PALM2AKAP2: variants seen among roughly 807,000 people sequenced by gnomAD.
PALM2AKAP2 encodes the protein PALM2-AKAP2 fusion protein.
In PALM2AKAP2, 37 loss-of-function variants were observed where a neutral mutation model predicts 71.5. That is an observed-to-expected ratio of 0.52 (90% confidence interval 0.40 to 0.68). The LOEUF is 0.68. Ranked by LOEUF, PALM2AKAP2 falls within the 30% of genes least tolerant of loss-of-function variation. PALM2AKAP2 has a pLI of 0.00. For missense variants in PALM2AKAP2, 1,224 were observed against 1,191.8 expected, an observed-to-expected ratio of 1.03 and a Z score of -0.40; for synonymous variants, 468 against 478.8, an observed-to-expected ratio of 0.98 and a Z score of 0.29.
At chr9:109,968,763 C>T (rs62580185) in intron 6 of PALM2AKAP2, among the ~76,000 whole-genome samples, 18,045 of 152,092 alleles carry the variant, frequency 0.12, 1,399 homozygotes, top group African/African-American at 0.21. Context: ...TTCAGGGCAG[C>T]TACATTTCAC....
rs140508424 is a variant in PALM2AKAP2 at position 109,932,976 on chromosome 9, C to T, written c.496+948C>T. Among the ~76,000 whole-genome samples, 585 of 152,174 alleles carry T rather than the reference C, an allele frequency of 3.8e-3. 6 individuals are homozygous for T. The highest frequency in any genetic ancestry group is 0.029 in the East Asian group (149 of 5,186). ...TGAATATTTCATGAAGCAAAGAATC[C>T]CTACTTATTTTAATACAAAAGTAAA... On this transcript the variant is annotated intron_variant, in intron 6 of 9. Coordinates refer to the PALM2AKAP2 transcript ENST00000302798.
At chr9:110,069,674 C>G (rs12056989) in intron 1 of PALM2AKAP2, among the ~76,000 whole-genome samples, 17,562 of 152,100 alleles carry the variant, frequency 0.12, 1,067 homozygotes, top group Middle Eastern at 0.22. Context: ...GGGATGAGGA[C>G]TAGGAAGGAG....
intron 6 of PALM2AKAP2, among the ~76,000 whole-genome samples, chr9:109,965,149 C>T (rs940952732): frequency 3.3e-5 from 5 of 152,326 alleles, no homozygotes; most frequent in African/African-American, 1.2e-4. Context: ...GGAAAAGTCA[C>T]TTAACTTCTC....
intron 1 of PALM2AKAP2, among the ~76,000 whole-genome samples, chr9:109,690,904 A>G (rs1413642431): frequency 6.6e-6 from 1 of 152,178 alleles, no homozygotes. Context: ...TAACTTCAGC[A>G]TATGCACACT....
At chr9:109,716,864 A>G (rs1470323516) in intron 1 of PALM2AKAP2, among the ~76,000 whole-genome samples, 1 of 152,174 alleles carries the variant, frequency 6.6e-6, no homozygotes, top group Non-Finnish European at 1.5e-5. Context: ...TTATGTGGAT[A>G]TCCTAGCAAT....
chr9:110,078,063 TATGGTCTCTGTTA>T (rs1215028125), intron 1 of PALM2AKAP2, among the ~76,000 whole-genome samples: 2 of 151,678 alleles, frequency 1.3e-5, no homozygotes, highest in East Asian at 3.9e-4. Flanking sequence ...TTGCAGGCCA[TATGGTCTCTGTTA>T]TAACTACATT....
chr9:109,658,420 A>G (rs1013055018), intron 1 of PALM2AKAP2, among the ~76,000 whole-genome samples: 1 of 152,208 alleles, frequency 6.6e-6, no homozygotes, highest in African/African-American at 2.4e-5. Flanking sequence ...CAAAAATCTT[A>G]TAAAGATATA....
chr9:109,739,957 G>C (rs1480508113), intron 1 of PALM2AKAP2, among the ~76,000 whole-genome samples: 1 of 152,180 alleles, frequency 6.6e-6, no homozygotes, highest in Non-Finnish European at 1.5e-5. Flanking sequence ...GGCCACGTAG[G>C]CCTTTGAAAA....
At position 110,119,778 on chromosome 9, in the gene PALM2AKAP2, G is replaced by A. The variant is rs575346159; in HGVS notation, c.157-16349G>A. ...GTTTGGGTTGTTGACCTTTTTTATC[G>A]ATTGCAAGGGTCCTTTATATTTTAA... is the stretch of plus-strand genomic sequence containing the variant. On this transcript the variant is annotated intron_variant, in intron 1 of 3. Coordinates refer to ENST00000374525, the Ensembl canonical transcript of PALM2AKAP2. 9.2e-5 allele frequency among the ~76,000 whole-genome samples: 14 copies of A among 152,038 alleles called. No individual in the cohort carries two copies. The South Asian group carries it at 2.3e-3, about 25-fold the overall frequency.
intron 1 of PALM2AKAP2, among the ~76,000 whole-genome samples, chr9:109,723,308 G>A (rs978982802): frequency 9.2e-5 from 14 of 152,072 alleles, no homozygotes; most frequent in African/African-American, 3.1e-4. Context: ...CCATACCACC[G>A]CCCAGCACCG....
chr9:109,720,146 G>A (rs1015943281), intron 1 of PALM2AKAP2, among the ~76,000 whole-genome samples: 7 of 151,952 alleles, frequency 4.6e-5, no homozygotes, highest in Admixed American at 1.3e-4. Flanking sequence ...ATGCTACTGC[G>A]CCCAGCTAAT....
At chr9:109,896,451 A>C (rs1335150379) in intron 3 of PALM2AKAP2, among the ~76,000 whole-genome samples, 1 of 152,176 alleles carries the variant, frequency 6.6e-6, no homozygotes, top group Non-Finnish European at 1.5e-5. Flanking sequence ...TCATATTTTA[A>C]GGAAGGTGGC....
chr9:109,943,137 C>T lies in PALM2AKAP2; in HGVS notation c.496+11109C>T, dbSNP rs1158449354. On this transcript the variant is annotated intron_variant, in intron 6 of 9. Transcript: ENST00000302798. ...AGCCCGTCACCATGATTTTTATGGGCTACCAAAATATCGAGGATGAAGAGG... is the reference window on the plus strand; with the variant it reads ...AGCCCGTCACCATGATTTTTATGGGTTACCAAAATATCGAGGATGAAGAGG... The T allele has an allele frequency of 2.5e-6, 4 of 1,614,200 alleles. No individual in the cohort carries two copies. The South Asian group carries it at 3.3e-5, about 13-fold the overall frequency.
chr9:109,943,173 G>C, intron 6 of PALM2AKAP2: 1 of 1,614,222 alleles, frequency 6.2e-7, no homozygotes, highest in Non-Finnish European at 8.5e-7. Context: ...AGACGAAAAA[G>C]GTGCTAGGCT....
chr9:110,144,839 T>C (rs993898939), intron 2 of PALM2AKAP2, among the ~76,000 whole-genome samples: 1 of 152,222 alleles, frequency 6.6e-6, no homozygotes, highest in Non-Finnish European at 1.5e-5. Flanking sequence ...GTTGTGGACC[T>C]GTAATAATAT....
At chr9:109,840,472 C>G (rs1263197227) in intron 1 of PALM2AKAP2, among the ~76,000 whole-genome samples, 1 of 152,148 alleles carries the variant, frequency 6.6e-6, no homozygotes, top group Non-Finnish European at 1.5e-5. Context: ...GACTTCATGT[C>G]TAAAACACCA....
chr9:109,841,515 TA>T (rs369447070), intron 1 of PALM2AKAP2, among the ~76,000 whole-genome samples: 23 of 18,694 alleles, frequency 1.2e-3, no homozygotes, highest in East Asian at 1.9e-3. Flanking sequence ...TAAAGTATAA[TA>T]AAAAAAAAAA....
At chr9:109,918,744 C>CCACA (rs1830751312) in intron 3 of PALM2AKAP2, among the ~76,000 whole-genome samples, 1 of 152,202 alleles carries the variant, frequency 6.6e-6, no homozygotes, top group Non-Finnish European at 1.5e-5. Flanking sequence ...CCTGGACTGA[C>CCACA]CACACCCTCA....
At chr9:109,695,093 A>G (rs1046745290) in intron 1 of PALM2AKAP2, among the ~76,000 whole-genome samples, 8 of 152,316 alleles carry the variant, frequency 5.3e-5, no homozygotes, top group African/African-American at 1.9e-4. Context: ...GACAAAAATA[A>G]CTGAATAATT....
Sources: allele counts gnomAD v4.1 joint callset (sites outside exome capture counted in the v4.1 genomes callset), GRCh38; gene constraint gnomAD v4.1.1; transcripts MANE v1.5; gene names NCBI Gene and HGNC (gene_info 2026-07-23, HGNC 2026-07-21).